Variants in CERS3 observed in about 807,000 individuals in gnomAD.
The protein encoded by CERS3 is ceramide synthase 3.
Under a neutral mutation model 50.3 loss-of-function variants are expected in CERS3, and 33 were observed. That is an observed-to-expected ratio of 0.66 (90% CI 0.50 to 0.88). CERS3 has a LOEUF of 0.88. Among genes scored for constraint, CERS3 ranks in the 40% least tolerant of loss-of-function variants. The pLI is 0.00. For missense variants in CERS3, 470 were observed against 460.3 expected (o/e 1.02, Z -0.19); for synonymous variants, 176 against 155.2 (o/e 1.13, Z -0.99).
intron 10 of CERS3, among the ~76,000 whole-genome samples, chr15:100,464,287 C>T (rs2034642381): frequency 2.0e-5 from 3 of 152,196 alleles, no homozygotes; most frequent in Non-Finnish European, 4.4e-5. Context: ...TGTGAATAGT[C>T]TTCAACCACA....
intron 3 of CERS3, among the ~76,000 whole-genome samples, chr15:100,497,886 CACACACACA>C (rs1453274537): frequency 0.021 from 2,175 of 103,542 alleles, 58 homozygotes; most frequent in African/African-American, 0.056. Context: ...CACACACACA[CACACACACA>C]CTTTTTTTTT....
intron 10 of CERS3, among the ~76,000 whole-genome samples, chr15:100,465,373 C>T (rs992075803): frequency 3.9e-5 from 6 of 152,098 alleles, no homozygotes; most frequent in Admixed American, 2.6e-4. Flanking sequence ...AGGGTTGGGG[C>T]CAAGCTAACA....
In CERS3 at chr15:100,439,433, G is replaced by C. The variant is rs536133033; in HGVS notation, c.999+16460C>G. 6.6e-5 allele frequency among the ~76,000 whole-genome samples: 10 copies of C among 152,246 alleles called. 1 individual carries two copies. In the South Asian group the frequency reaches 2.1e-3, roughly 32 times the overall value. ...CTTTGCATATTTAAAGTTACTTACTGAGAGTTTTCCATGTGTAAGGAATTG... is the reference window on the plus strand; with the variant it reads ...CTTTGCATATTTAAAGTTACTTACTCAGAGTTTTCCATGTGTAAGGAATTG... On this transcript the variant is annotated intron_variant, in intron 11 of 11. Coordinates refer to ENST00000679737, the MANE Select transcript of CERS3 (RefSeq NM_001378789.1).
chr15:100,432,026 G>A (rs1289234592), intron 11 of CERS3, among the ~76,000 whole-genome samples: 3 of 151,908 alleles, frequency 2.0e-5, no homozygotes, highest in Non-Finnish European at 2.9e-5. Flanking sequence ...TTCATGAGCT[G>A]CCTTGTATAG....
intron 1 of CERS3, among the ~76,000 whole-genome samples, chr15:100,539,190 T>G (rs1211983816): frequency 6.6e-6 from 1 of 152,216 alleles, no homozygotes; most frequent in African/African-American, 2.4e-5. Context: ...ATTAGCATTT[T>G]TATTAAAGCC....
At chr15:100,464,618 G>A (rs2034656373) in intron 10 of CERS3, among the ~76,000 whole-genome samples, 2 of 152,180 alleles carry the variant, frequency 1.3e-5, no homozygotes, top group African/African-American at 4.8e-5. Context: ...CCTTAGAAAG[G>A]TCTTTCTAGC....
chr15:100,480,764 A>G (rs2035274361), intron 5 of CERS3, among the ~76,000 whole-genome samples: 1 of 152,224 alleles, frequency 6.6e-6, no homozygotes, highest in Non-Finnish European at 1.5e-5. Flanking sequence ...GCTGAAAATA[A>G]AGAGTTCTTA....
rs1567583491 is a variant in CERS3, at chr15:100,402,811, C to T, written c.1054G>A (p.Glu352Lys). ...DEDYEEEEEE[E>K]EEEATKGKEM... ...TTGCCTTTGGTAGCCTCTTCTTCTT[C>T]CTCTTCCTCTTCCTCTTCATAATCC... Residue 352 changes from glutamate to lysine, a missense_variant, in exon 12 of 12, where the codon GAA becomes AAA. Glu to Lys is a moderately conservative substitution (Grantham distance 56). Coordinates refer to ENST00000679737, the MANE Select transcript of CERS3 (RefSeq NM_001378789.1). 6.2e-7 allele frequency: 1 copy of T among 1,612,300 alleles called. No homozygotes were observed. The highest frequency in any genetic ancestry group is 8.5e-7 in the Non-Finnish European group (1 of 1,179,242).
intron 2 of CERS3, among the ~76,000 whole-genome samples, chr15:100,509,158 C>T (rs904425740): frequency 2.6e-5 from 4 of 152,098 alleles, no homozygotes; most frequent in Admixed American, 6.6e-5. Flanking sequence ...TTTCTAACCT[C>T]GTGGGTATAG....
At chr15:100,522,134 A>C (rs2142388057) in intron 1 of CERS3, among the ~76,000 whole-genome samples, 1 of 152,328 alleles carries the variant, frequency 6.6e-6, no homozygotes, top group East Asian at 1.9e-4. Flanking sequence ...AACATTTCTC[A>C]ATATGAATTA....
At chr15:100,442,089 T>G (rs1310883555) in intron 11 of CERS3, among the ~76,000 whole-genome samples, 1 of 152,164 alleles carries the variant, frequency 6.6e-6, no homozygotes, top group Non-Finnish European at 1.5e-5. Context: ...AATTTACTCT[T>G]AAAAAGGTGG....
rs1397924207 is a variant in CERS3 at position 100,479,984 on chromosome 15, C to G, written c.465+5G>C. 1 of 1,599,142 alleles carries G rather than the reference C, an allele frequency of 6.3e-7. No individual in the cohort carries two copies. Among genetic ancestry groups the G allele is most frequent in the African/African-American group, 1.3e-5 (1 of 74,282 alleles). On this transcript the variant is annotated splice_donor_5th_base_variant and intron_variant, in intron 6 of 11. Coordinates refer to ENST00000679737, the MANE Select transcript of CERS3 (RefSeq NM_001378789.1). ...TCCAATCGAAGATATAAAAAGATAA[C>G]TTACATCATAAAGAAACGCAATTCC...
chr15:100,475,658 A>C (rs1185998189), intron 8 of CERS3, among the ~76,000 whole-genome samples: 1 of 152,188 alleles, frequency 6.6e-6, no homozygotes, highest in Non-Finnish European at 1.5e-5. Flanking sequence ...TTTCCTCATA[A>C]ATATATTTGA....
chr15:100,477,624 AT>A (rs1419777529), intron 7 of CERS3, among the ~76,000 whole-genome samples: 3 of 152,210 alleles, frequency 2.0e-5, no homozygotes, highest in Non-Finnish European at 4.4e-5. Flanking sequence ...CTAAGAATAA[AT>A]TCAAAGAAGA....
intron 1 of CERS3, among the ~76,000 whole-genome samples, chr15:100,535,181 T>C (rs1288790498): frequency 6.6e-6 from 1 of 152,226 alleles, no homozygotes; most frequent in Admixed American, 6.5e-5. Context: ...TTGGCATCCA[T>C]AGTATATTTA....
At chr15:100,508,215 C>T (rs936198215) in intron 2 of CERS3, among the ~76,000 whole-genome samples, 4 of 152,132 alleles carry the variant, frequency 2.6e-5, no homozygotes, top group Non-Finnish European at 5.9e-5. Flanking sequence ...TGACAGTGGG[C>T]ACTCATTTGC....
intron 2 of CERS3, among the ~76,000 whole-genome samples, chr15:100,516,481 G>T (rs1449286844): frequency 6.6e-6 from 1 of 152,168 alleles, no homozygotes; most frequent in African/African-American, 2.4e-5. Flanking sequence ...AGGGAGATTA[G>T]GTATACAGAC....
At chr15:100,434,500 C>G (rs2033298827) in intron 11 of CERS3, among the ~76,000 whole-genome samples, 1 of 152,096 alleles carries the variant, frequency 6.6e-6, no homozygotes, top group Non-Finnish European at 1.5e-5. Flanking sequence ...TTTCTTTTAC[C>G]CACATCTACA....
At chr15:100,446,987 G>A (rs539421849) in intron 11 of CERS3, among the ~76,000 whole-genome samples, 1 of 152,272 alleles carries the variant, frequency 6.6e-6, no homozygotes, top group East Asian at 1.9e-4. Context: ...ATAGATAGCA[G>A]CCCCTGAAAG....
Sources: allele counts gnomAD v4.1 joint callset (sites outside exome capture counted in the v4.1 genomes callset), GRCh38; gene constraint gnomAD v4.1.1; transcripts MANE v1.5; gene names NCBI Gene and HGNC (gene_info 2026-07-23, HGNC 2026-07-21).